Variants in USP43 observed in about 807,000 individuals in gnomAD.
The protein encoded by USP43 is ubiquitin carboxyl-terminal hydrolase 43.
A neutral mutation model predicts 90.7 loss-of-function variants in USP43; 33 were observed. The observed-to-expected ratio is 0.36, with a 90% CI of 0.28 to 0.49. The LOEUF (loss-of-function observed/expected upper bound fraction) is 0.49, where lower values mean the gene tolerates loss of function less well. Ranked by LOEUF, USP43 falls within the 20% of genes least tolerant of loss-of-function variation. The pLI, the probability that USP43 is intolerant of heterozygous loss-of-function variation, is 0.98. For synonymous variants in USP43, 598 were observed against 615.8 expected (o/e 0.97, Z 0.43); for missense variants, 1,274 against 1,476.4 (o/e 0.86, Z 2.25).
At chr17:9,700,136 C>T (rs372790382) in intron 9 of USP43, 36 bp from the exon 10 acceptor site, 9 of 1,559,544 alleles carry the variant, frequency 5.8e-6, no homozygotes, top group African/African-American at 5.4e-5. Context: ...AAGGAGGCCC[C>T]GTGTTTTCTG....
chr17:9,660,050 T>C lies in USP43; in HGVS notation c.636+3516T>C, dbSNP rs73975783. Among the ~76,000 whole-genome samples, 724 of 152,308 alleles carry C rather than the reference T, an allele frequency of 4.8e-3. 4 individuals are homozygous for C. The highest frequency in any genetic ancestry group is 0.016 in the African/African-American group (667 of 41,564). On this transcript the variant is annotated intron_variant, in intron 2 of 14. Coordinates refer to ENST00000285199, the MANE Select transcript of USP43 (RefSeq NM_153210.5). Reference sequence around the variant, plus strand: ...CAAAATCACCATTCCCCTAACCCAGTTGAGAGCTACTGCTCTAGAACCTTT... The same window carrying C: ...CAAAATCACCATTCCCCTAACCCAGCTGAGAGCTACTGCTCTAGAACCTTT...
intron 9 of USP43, among the ~76,000 whole-genome samples, chr17:9,696,254 C>T (rs11868862): frequency 1.2e-4 from 18 of 152,154 alleles, no homozygotes; most frequent in African/African-American, 4.3e-4. Context: ...CTGCCTCAGC[C>T]TCCCGAGCAG....
At chr17:9,647,501 T>C (rs548122563) in intron 1 of USP43, 3 of 152,316 alleles carry the variant, frequency 2.0e-5, no homozygotes, top group Admixed American at 2.0e-4. Flanking sequence ...TAATGGTACT[T>C]ACCTCGTTAT....
chr17:9,656,530 A>C lies in USP43; in HGVS notation c.632A>C (p.Glu211Ala), dbSNP rs144852632. ...LEGSSRGPVSEKLPPEATKTS... is the reference protein window; with the variant it reads ...LEGSSRGPVSAKLPPEATKTS... ...GGTTCATCCCGAGGGCCGGTGTCGG[A>C]GAAGGTCGGTCACTCTCAAAACAAC... The change falls in exon 2 of 15, where the codon GAG (glutamate) becomes GCG (alanine). Residue 211 changes from glutamate to alanine, a missense_variant. Glu to Ala is a moderately radical substitution (Grantham distance 107). Coordinates refer to ENST00000285199, the MANE Select transcript of USP43 (RefSeq NM_153210.5). 4.1e-3 allele frequency: 6,616 copies of C among 1,610,600 alleles called. 18 individuals are homozygous for C. Among genetic ancestry groups the C allele is most frequent in the Non-Finnish European group, 5.1e-3 (6,067 of 1,178,560 alleles).
chr17:9,717,860 G>A lies in USP43; in HGVS notation c.2335+5728G>A, dbSNP rs1916685392. ...TTGCCAGGCTGAAGTGCAATGGGGC[G>A]ATCTCAGCTCACTGCAACCTCCGCC... On this transcript the variant is annotated intron_variant, in intron 14 of 14. Coordinates refer to ENST00000285199, the MANE Select transcript of USP43 (RefSeq NM_153210.5). Among the ~76,000 whole-genome samples the A allele has an allele frequency of 2.6e-5, 4 of 151,182 alleles. 1 individual carries two copies. In the South Asian group the frequency reaches 6.3e-4, roughly 24 times the overall value.
At position 9,709,409 on chromosome 17, in the gene USP43, T is replaced by G. The variant is rs940799608; in HGVS notation, c.2012-547T>G. Among the ~76,000 whole-genome samples the G allele has an allele frequency of 7.2e-5, 11 of 152,076 alleles. No individual in the cohort carries two copies. Among genetic ancestry groups the G allele is most frequent in the African/African-American group, 2.7e-4 (11 of 41,396 alleles). On this transcript the variant is annotated intron_variant, in intron 12 of 14. Transcript: ENST00000285199. This position sits in a 1 kb window ranked among gnomAD's most constrained non-coding sequence, Gnocchi z 5.0. ...TTTTGCCTGATGAAGGGGTAGAATATTCAACTTAAAATAACAGCACTCTTG... is the reference window on the plus strand; with the variant it reads ...TTTTGCCTGATGAAGGGGTAGAATAGTCAACTTAAAATAACAGCACTCTTG...
At chr17:9,667,776 A>C (rs898978230) in intron 3 of USP43, among the ~76,000 whole-genome samples, 1 of 152,130 alleles carries the variant, frequency 6.6e-6, no homozygotes, top group South Asian at 2.1e-4. Flanking sequence ...GTGTGTGTAT[A>C]TGTGTGTGTG....
chr17:9,668,828 G>T lies in USP43; in HGVS notation c.740+2077G>T, dbSNP rs568354329. On this transcript the variant is annotated intron_variant, in intron 3 of 14. Transcript: ENST00000285199. ...ATTGGCCATGAAAGCCGCTTGTAGG[G>T]CATCTGTCTTATTTATTTATTTATT... Among the ~76,000 whole-genome samples the T allele has an allele frequency of 4.0e-5, 6 of 151,798 alleles. No homozygotes were observed. The South Asian group carries it at 1.2e-3, about 32-fold the overall frequency.
chr17:9,646,183 T>A, intron 1 of USP43, 47 bp downstream of exon 1: 1 of 1,385,594 alleles, frequency 7.2e-7, no homozygotes, highest in East Asian at 3.1e-5. Flanking sequence ...TGGTTTCGCC[T>A]CTTGAAAAGT....
At position 9,728,689 on chromosome 17, in the gene USP43, C is replaced by T. The variant is rs771634045; in HGVS notation, c.3071C>T (p.Ser1024Phe). 4 of 1,612,118 alleles carry T rather than the reference C, an allele frequency of 2.5e-6. No homozygotes were observed. The African/African-American group carries it at 5.3e-5, about 22-fold the overall frequency. ...AEVSPQVPPV[S>F]LVSGGLSPAM... ...GTCTCTCCACAGGTGCCCCCCGTCT[C>T]CCTGGTGAGTGGCGGGCTGAGCCCT... The change falls in exon 15 of 15, where the codon TCC becomes TTC. Residue 1024 changes from serine to phenylalanine, a missense_variant. This residue lies in a region of USP43 where 353 missense variants were observed against 329.7 expected (regional missense o/e 1.07). Coordinates refer to ENST00000285199, the MANE Select transcript of USP43 (RefSeq NM_153210.5). The surrounding 1 kb of genome is among the most constrained non-coding windows in gnomAD (Gnocchi z 6.2).
intron 12 of USP43, among the ~76,000 whole-genome samples, chr17:9,703,745 C>T (rs1395089916): frequency 1.3e-5 from 2 of 152,340 alleles, no homozygotes; most frequent in Admixed American, 6.5e-5. Flanking sequence ...AGACAATTTG[C>T]ACTGCCAGTT....
intron 9 of USP43, 113 bp from the exon 10 acceptor site, chr17:9,700,059 G>C (rs1448097106): frequency 1.9e-6 from 2 of 1,035,174 alleles, no homozygotes; most frequent in East Asian, 5.3e-5. Flanking sequence ...GCAGTTTTGG[G>C]TATTTCTGTT....
chr17:9,659,613 T>C (rs1912511098), intron 2 of USP43, among the ~76,000 whole-genome samples: 1 of 152,190 alleles, frequency 6.6e-6, no homozygotes, highest in East Asian at 1.9e-4. Context: ...TCTCCCTGGC[T>C]GTACCAGGCA....
At chr17:9,675,439 G>A (rs948137222) in intron 4 of USP43, among the ~76,000 whole-genome samples, 5 of 152,128 alleles carry the variant, frequency 3.3e-5, no homozygotes, top group Non-Finnish European at 7.4e-5. Context: ...GAAAAAAAAA[G>A]AAAAGTGGAG....
At chr17:9,711,450 C>T (rs536806359) in intron 13 of USP43, among the ~76,000 whole-genome samples, 14 of 152,196 alleles carry the variant, frequency 9.2e-5, no homozygotes, top group Middle Eastern at 6.8e-3. Flanking sequence ...TTTTTTGAGA[C>T]GGAGTTTCGC....
intron 2 of USP43, among the ~76,000 whole-genome samples, chr17:9,663,217 C>T (rs891776018): frequency 6.6e-6 from 1 of 151,804 alleles, no homozygotes; most frequent in African/African-American, 2.4e-5. Context: ...AATCATGGAG[C>T]AAAGAGATTA....
intron 5 of USP43, among the ~76,000 whole-genome samples, chr17:9,679,491 C>T (rs1003139045): frequency 2.0e-5 from 3 of 149,690 alleles, no homozygotes; most frequent in Non-Finnish European, 4.4e-5. Flanking sequence ...AGGCATGAGC[C>T]ACGGTGCCCA....
intron 2 of USP43, among the ~76,000 whole-genome samples, chr17:9,666,197 G>C (rs1431457326): frequency 2.0e-5 from 3 of 152,204 alleles, no homozygotes; most frequent in Non-Finnish European, 4.4e-5. Context: ...ATGTGAAACT[G>C]ACTCCTGAGA....
intron 3 of USP43, among the ~76,000 whole-genome samples, chr17:9,671,720 C>T (rs1179966988): frequency 6.6e-6 from 1 of 152,104 alleles, no homozygotes; most frequent in East Asian, 1.9e-4. Flanking sequence ...TTTTCTGTTC[C>T]TTTTCCCCTT....
Sources: gnomAD v4.1 joint callset for allele counts (sites outside exome capture counted in the v4.1 genomes callset) on GRCh38, gnomAD v4.1.1 for gene constraint, gnomAD v4.1.1 regional missense constraint, Gnocchi (gnomAD v3.1) non-coding constraint, MANE v1.5 for transcripts, NCBI Gene and HGNC (gene_info 2026-07-23, HGNC 2026-07-21) for gene names.